The following TTC28 variants were observed in gnomAD, a reference collection of about 807,000 sequenced individuals.
The protein encoded by TTC28 is tetratricopeptide repeat domain 28, also known as tetratricopeptide repeat protein 28.
A neutral mutation model predicts 198.0 loss-of-function variants in TTC28; 61 were observed. The ratio of observed to expected loss-of-function variants is 0.31; its 90% CI spans 0.25 to 0.38. The LOEUF is 0.38. TTC28 is among the 10% of genes least tolerant of loss of function. The pLI, the probability that TTC28 is intolerant of heterozygous loss-of-function variation, is 1.00. For synonymous variants in TTC28, 1,171 were observed against 1,297.8 expected (o/e 0.90, Z 2.10); for missense variants, 2,678 against 3,164.0 (o/e 0.85, Z 3.69).
chr22:28,437,892 T>G (rs1430136729), intron 2 of TTC28, among the ~76,000 whole-genome samples: 1 of 152,150 alleles, frequency 6.6e-6, no homozygotes, highest in Non-Finnish European at 1.5e-5. Context: ...AGGATGACAT[T>G]TGCAATAAAT....
At chr22:28,386,360 C>A (rs1046408845) in intron 2 of TTC28, among the ~76,000 whole-genome samples, 11 of 146,108 alleles carry the variant, frequency 7.5e-5, no homozygotes, top group African/African-American at 2.7e-4. Context: ...CCAATACTTT[C>A]ACATTACTTT....
intron 2 of TTC28, among the ~76,000 whole-genome samples, chr22:28,558,668 T>G (rs2049822744): frequency 1.3e-5 from 2 of 149,846 alleles, no homozygotes; most frequent in African/African-American, 4.9e-5. Flanking sequence ...AGAGTGAAAC[T>G]CCATCTCAAA....
At chr22:28,133,986 C>T (rs934472344) in intron 6 of TTC28, among the ~76,000 whole-genome samples, 18 of 152,224 alleles carry the variant, frequency 1.2e-4, no homozygotes, top group Admixed American at 2.0e-4. Flanking sequence ...ACACCTCACG[C>T]GGCCAGGTAC....
intron 2 of TTC28, among the ~76,000 whole-genome samples, chr22:28,342,728 G>A (rs949884180): frequency 2.1e-4 from 32 of 152,132 alleles, no homozygotes; most frequent in African/African-American, 7.2e-4. Context: ...TTTTAGAACT[G>A]AAATATCATA....
At chr22:28,095,706 T>G (rs1472747026) in intron 11 of TTC28, among the ~76,000 whole-genome samples, 1 of 152,198 alleles carries the variant, frequency 6.6e-6, no homozygotes, top group Non-Finnish European at 1.5e-5. Context: ...ACAGCAGAAC[T>G]GGTTAAAAAT....
chr22:28,039,241 C>T (rs1173460568), intron 12 of TTC28, among the ~76,000 whole-genome samples: 1 of 152,086 alleles, frequency 6.6e-6, no homozygotes, highest in Admixed American at 6.6e-5. Flanking sequence ...TGCGGCACTA[C>T]TCACAATAGC....
At chr22:28,567,239 A>AAG (rs1439971281) in intron 2 of TTC28, among the ~76,000 whole-genome samples, 9 of 146,976 alleles carry the variant, frequency 6.1e-5, no homozygotes, top group African/African-American at 2.2e-4. Context: ...AAAAAAAAAA[A>AAG]GTAGCCAGGC....
At chr22:28,086,155 A>G (rs1941587661) in intron 12 of TTC28, among the ~76,000 whole-genome samples, 1 of 152,132 alleles carries the variant, frequency 6.6e-6, no homozygotes, top group African/African-American at 2.4e-5. Flanking sequence ...GCTCTGCACT[A>G]AGCGGACCTA....
At chr22:28,357,362 G>A (rs2046094499) in intron 2 of TTC28, among the ~76,000 whole-genome samples, 1 of 149,532 alleles carries the variant, frequency 6.7e-6, no homozygotes, top group Non-Finnish European at 1.5e-5. Flanking sequence ...TCAGCAAGGG[G>A]TGGAGTACAG....
At chr22:27,995,271 G>A (rs1260286701) in intron 17 of TTC28, among the ~76,000 whole-genome samples, 2 of 152,152 alleles carry the variant, frequency 1.3e-5, no homozygotes, top group Non-Finnish European at 2.9e-5. Context: ...AGCCTGCAAG[G>A]AGGCCCTGGG....
At position 28,598,399 on chromosome 22, in the gene TTC28, C is replaced by T. The variant is rs201088918; in HGVS notation, c.381+31153G>A. Among the ~76,000 whole-genome samples the T allele has an allele frequency of 9.4e-5, 14 of 148,924 alleles. No homozygotes were observed. In the East Asian group the frequency reaches 1.8e-3, roughly 19 times the overall value. On this transcript the variant is annotated intron_variant, in intron 2 of 22. Coordinates refer to ENST00000397906, the MANE Select transcript of TTC28 (RefSeq NM_001145418.2). ...TGGTGGGCACCTGTAGTCCCAGCTA[C>T]TTGGGAGGCTGAGGCAGGAGAATGG...
chr22:28,582,260 ATATT>A (rs2050243995), intron 2 of TTC28, among the ~76,000 whole-genome samples: 1 of 152,184 alleles, frequency 6.6e-6, no homozygotes, highest in Admixed American at 6.5e-5. Context: ...AGAAGCAAAA[ATATT>A]TATTTCTTAG....
At chr22:27,986,508 A>G (rs1221868340) in intron 21 of TTC28, 1 of 152,214 alleles carries the variant, frequency 6.6e-6, no homozygotes, top group Non-Finnish European at 1.5e-5. Flanking sequence ...TTCACTCAGA[A>G]TCCCTGGTCC....
intron 13 of TTC28, among the ~76,000 whole-genome samples, chr22:28,019,613 C>T (rs1238703205): frequency 2.0e-5 from 3 of 152,206 alleles, no homozygotes; most frequent in Admixed American, 1.3e-4. Flanking sequence ...TCTCTGCCGT[C>T]CACCTTCCTA....
chr22:28,505,011 C>T (rs2048588559), intron 2 of TTC28, among the ~76,000 whole-genome samples: 1 of 151,936 alleles, frequency 6.6e-6, no homozygotes, highest in South Asian at 2.1e-4. Flanking sequence ...ATCCCAAGCA[C>T]TTTGGGAGGC....
At position 28,360,874 on chromosome 22, in the gene TTC28, C is replaced by T. The variant is rs111379997; in HGVS notation, c.382-54231G>A. The stretch of plus-strand genomic sequence containing the variant: ...CACATTTTGGTAATTCTCACAATTT[C>T]ACACTTTTTCATTATTATTATATCT... On this transcript the variant is annotated intron_variant, in intron 2 of 22. Coordinates refer to ENST00000397906, the MANE Select transcript of TTC28 (RefSeq NM_001145418.2). Among the ~76,000 whole-genome samples the T allele has an allele frequency of 1.6e-3, 243 of 152,284 alleles. 2 individuals carry two copies. Among genetic ancestry groups the T allele is most frequent in the African/African-American group, 5.3e-3 (220 of 41,560 alleles).
At chr22:27,997,643 A>T (rs1937575959) in intron 16 of TTC28, 1 of 152,248 alleles carries the variant, frequency 6.6e-6, no homozygotes, top group Admixed American at 6.5e-5. Context: ...GATGTTACCC[A>T]TGGGTGGGAC....
At chr22:28,526,009 T>C (rs2048997420) in intron 2 of TTC28, among the ~76,000 whole-genome samples, 1 of 152,252 alleles carries the variant, frequency 6.6e-6, no homozygotes, top group African/African-American at 2.4e-5. Flanking sequence ...TCTAGAATTC[T>C]AATGAACAAG....
intron 5 of TTC28, among the ~76,000 whole-genome samples, chr22:28,268,117 C>T (rs16986234): frequency 1.3e-5 from 2 of 152,144 alleles, no homozygotes; most frequent in Non-Finnish European, 2.9e-5. Flanking sequence ...ATGGTCTGGT[C>T]CCTGCAGCCT....
Sources: gnomAD v4.1 joint callset for allele counts (sites outside exome capture counted in the v4.1 genomes callset) on GRCh38, gnomAD v4.1.1 for gene constraint, MANE v1.5 for transcripts, NCBI Gene and HGNC (gene_info 2026-07-23, HGNC 2026-07-21) for gene names.